The following VIPR2 variants were observed in gnomAD, a reference collection of about 807,000 sequenced individuals.
The protein encoded by VIPR2 is vasoactive intestinal peptide receptor 2.
VIPR2 carries 48 observed loss-of-function variants against 58.0 expected under a neutral mutation model. That is an observed-to-expected ratio of 0.83 (90% CI 0.66 to 1.05). The LOEUF is 1.05. Among genes scored for constraint, VIPR2 ranks in the 50% least tolerant of loss-of-function variants. VIPR2 has a pLI of 0.00. For missense variants in VIPR2, 534 were observed against 558.0 expected (o/e 0.96, Z 0.43); for synonymous variants, 243 against 235.2 (o/e 1.03, Z -0.30).
intron 2 of VIPR2, among the ~76,000 whole-genome samples, chr7:159,141,497 T>TGGG (rs1400616784): frequency 6.6e-6 from 1 of 152,220 alleles, no homozygotes; most frequent in African/African-American, 2.4e-5. Context: ...GACCTTGAAA[T>TGGG]GGGGCCCAAA....
At chr7:159,050,736 A>G (rs750803169) in intron 5 of VIPR2, among the ~76,000 whole-genome samples, 5 of 152,174 alleles carry the variant, frequency 3.3e-5, no homozygotes. Flanking sequence ...TGCTAGCCAC[A>G]AGGTTTTTTG....
At chr7:159,101,667 T>C (rs1231357285) in intron 4 of VIPR2, among the ~76,000 whole-genome samples, 2 of 144,216 alleles carry the variant, frequency 1.4e-5, no homozygotes, top group African/African-American at 5.2e-5. Flanking sequence ...CGACTGTTCC[T>C]GTGGTAGTGA....
At chr7:159,083,564 G>C (rs1275385650) in intron 4 of VIPR2, among the ~76,000 whole-genome samples, 5 of 152,264 alleles carry the variant, frequency 3.3e-5, no homozygotes, top group Admixed American at 2.6e-4. Flanking sequence ...TCCAGGCAGC[G>C]AGCCACCAGA....
chr7:159,144,330 G>A lies in VIPR2; in HGVS notation c.51+391C>T, dbSNP rs751540993. Reference sequence around the variant, plus strand: ...TACAGGGAGGGACCGAGAGGCATCTGCGGCCAACGCCAACCCCGATCTCCC... The same window carrying A: ...TACAGGGAGGGACCGAGAGGCATCTACGGCCAACGCCAACCCCGATCTCCC... On this transcript the variant is annotated intron_variant, in intron 1 of 12. Coordinates refer to ENST00000262178, the MANE Select transcript of VIPR2 (RefSeq NM_003382.5). 12 of 1,525,744 alleles carry A rather than the reference G, an allele frequency of 7.9e-6. No individual in the cohort carries two copies. In the South Asian group the frequency reaches 1.4e-4, roughly 17 times the overall value. 94.5% of individuals were successfully genotyped at this position (1,525,744 alleles called of 1,614,324 possible).
chr7:159,045,891 A>ATATATACTCATATATATATAT (rs55934723), intron 5 of VIPR2, among the ~76,000 whole-genome samples: 2 of 147,950 alleles, frequency 1.4e-5, no homozygotes, highest in African/African-American at 2.4e-5. Flanking sequence ...TTAGTATCTA[A>ATATATACTCATATATATATAT]AATATATAAA....
At chr7:159,139,744 A>C (rs1402723468) in intron 2 of VIPR2, among the ~76,000 whole-genome samples, 1 of 152,234 alleles carries the variant, frequency 6.6e-6, no homozygotes, top group Non-Finnish European at 1.5e-5. Context: ...TTCTCCCCAG[A>C]GGAGGTCACA....
At chr7:159,138,396 T>C (rs1797315497) in intron 2 of VIPR2, among the ~76,000 whole-genome samples, 4 of 152,224 alleles carry the variant, frequency 2.6e-5, no homozygotes, top group Admixed American at 2.6e-4. Flanking sequence ...GAGATGGTGA[T>C]TCCCATTTTA....
chr7:159,119,665 C>T (rs73527864), intron 2 of VIPR2, among the ~76,000 whole-genome samples: 3,451 of 152,318 alleles, frequency 0.023, 144 homozygotes, highest in African/African-American at 0.079. Flanking sequence ...GTGAAGCAGC[C>T]AGTGGGTGCC....
At chr7:159,066,321 T>C (rs1856088200) in intron 4 of VIPR2, among the ~76,000 whole-genome samples, 2 of 151,446 alleles carry the variant, frequency 1.3e-5, no homozygotes, top group Non-Finnish European at 2.9e-5. Context: ...GATTCCAGGA[T>C]GCCTGCTTCC....
Position 159,035,809 on chromosome 7 carries a change from C to T in VIPR2, c.809+143G>A, listed in dbSNP as rs962782217. On this transcript the variant is annotated intron_variant, in intron 8 of 12. Transcript: ENST00000262178. Reference sequence around the variant, plus strand: ...CACAGGATTTCTCCCCATGAATCGCCCAGATGCTTCCTGCGTGGCTGTCGG... The same window carrying T: ...CACAGGATTTCTCCCCATGAATCGCTCAGATGCTTCCTGCGTGGCTGTCGG... 7.0e-6 allele frequency: 10 copies of T among 1,435,166 alleles called. No homozygotes were observed. In the African/African-American group the frequency reaches 1.0e-4, roughly 14 times the overall value. 88.9% of individuals were successfully genotyped at this position (1,435,166 alleles called of 1,614,324 possible). A position where few individuals can be genotyped will look rare whatever the true frequency, so the allele number is the denominator to read the frequency against.
At chr7:159,091,238 C>T (rs567893323) in intron 4 of VIPR2, among the ~76,000 whole-genome samples, 2 of 152,352 alleles carry the variant, frequency 1.3e-5, no homozygotes, top group South Asian at 2.1e-4. Context: ...GAGGGCTTTG[C>T]GCATGAAGCA....
At chr7:159,102,293 GT>G (rs745753885) in intron 4 of VIPR2, among the ~76,000 whole-genome samples, 7 of 152,182 alleles carry the variant, frequency 4.6e-5, no homozygotes, top group African/African-American at 7.2e-5. Flanking sequence ...TTGATAAGGG[GT>G]TTCCCTTTTC....
chr7:159,038,156 C>T (rs1311657195), intron 6 of VIPR2, among the ~76,000 whole-genome samples: 2 of 152,072 alleles, frequency 1.3e-5, no homozygotes, highest in African/African-American at 2.4e-5. Flanking sequence ...GTCCTGAGAG[C>T]CGCTGAGCCC....
At chr7:159,074,499 C>T (rs890637026) in intron 4 of VIPR2, among the ~76,000 whole-genome samples, 4 of 152,092 alleles carry the variant, frequency 2.6e-5, no homozygotes, top group Non-Finnish European at 4.4e-5. Context: ...GTGGGAGCAT[C>T]GTGAGAGGAA....
At position 159,127,374 on chromosome 7, in the gene VIPR2, T is replaced by C. The variant is rs999155652; in HGVS notation, c.151+15072A>G. Among the ~76,000 whole-genome samples the C allele has an allele frequency of 2.0e-5, 3 of 152,176 alleles. No homozygotes were observed. Among genetic ancestry groups the C allele is most frequent in the African/African-American group, 7.2e-5 (3 of 41,444 alleles). On this transcript the variant is annotated intron_variant, in intron 2 of 12. Coordinates refer to ENST00000262178, the MANE Select transcript of VIPR2 (RefSeq NM_003382.5). The surrounding 1 kb of genome is among the most constrained non-coding windows in gnomAD (Gnocchi z 4.6). ...CCACATTCTGGTACCTGAACAAACATTAAACCCACAACTCCAAATCCAGAA... is the reference window on the plus strand; with the variant it reads ...CCACATTCTGGTACCTGAACAAACACTAAACCCACAACTCCAAATCCAGAA...
At position 159,034,586 on chromosome 7, in the gene VIPR2, T is replaced by C. The variant is rs199630455; in HGVS notation, c.874A>G (p.Ile292Val). ...WVIRIPILIS[I>V]IVNFVLFISI... The stretch of plus-strand genomic sequence containing the variant: ...TGTCAACAGGGACTACTTACGATGA[T>C]GGAAATTAAAATCGGTATTCGTATG... The change falls in exon 9 of 13, where the codon ATC becomes GTC. Residue 292 changes from isoleucine (I) to valine (V), a missense_variant. Coordinates refer to ENST00000262178, the MANE Select transcript of VIPR2 (RefSeq NM_003382.5). 47 of 1,613,530 alleles carry C rather than the reference T, an allele frequency of 2.9e-5. No homozygotes were observed. The East Asian group carries it at 9.1e-4, about 31-fold the overall frequency.
At chr7:159,137,623 G>C (rs374352895) in intron 2 of VIPR2, among the ~76,000 whole-genome samples, 1 of 152,090 alleles carries the variant, frequency 6.6e-6, no homozygotes, top group Admixed American at 6.6e-5. Context: ...CTCCTGCCTC[G>C]ATCTCCCAAA....
At chr7:159,058,612 G>A in intron 4 of VIPR2, 34 bp from the exon 5 acceptor site, 1 of 1,482,058 alleles carries the variant, frequency 6.7e-7, no homozygotes, top group South Asian at 1.1e-5. Context: ...GTAAGCTGAG[G>A]GTGACCAGCA....
intron 2 of VIPR2, among the ~76,000 whole-genome samples, chr7:159,129,724 C>T (rs1262408469): frequency 7.0e-6 from 1 of 142,492 alleles, no homozygotes; most frequent in African/African-American, 2.6e-5. Flanking sequence ...TCAAACTGGC[C>T]TCTGGCGGGG....
Sources: gnomAD v4.1 joint callset for allele counts (sites outside exome capture counted in the v4.1 genomes callset) on GRCh38, gnomAD v4.1.1 for gene constraint, Gnocchi (gnomAD v3.1) non-coding constraint, MANE v1.5 for transcripts, NCBI Gene and HGNC (gene_info 2026-07-23, HGNC 2026-07-21) for gene names.